Variants in AUTS2 observed in about 807,000 individuals in gnomAD.
AUTS2 encodes autism susceptibility gene 2 protein.
A neutral mutation model predicts 112.4 loss-of-function variants in AUTS2; 17 were observed. The ratio of observed to expected loss-of-function variants is 0.15; its 90% CI spans 0.10 to 0.23. AUTS2 has a LOEUF of 0.23. Ranked by LOEUF, AUTS2 falls within the 10% of genes least tolerant of loss-of-function variation. AUTS2 has a pLI of 1.00. For missense variants in AUTS2, 1,510 were observed against 1,701.6 expected, an observed-to-expected ratio of 0.89 and a Z score of 1.98; for synonymous variants, 751 against 702.7, an observed-to-expected ratio of 1.07 and a Z score of -1.09.
At chr7:70,373,520 T>C (rs1251908477) in intron 4 of AUTS2, among the ~76,000 whole-genome samples, 1 of 152,188 alleles carries the variant, frequency 6.6e-6, no homozygotes, top group Non-Finnish European at 1.5e-5. Context: ...GGTAGGCATT[T>C]TTCCCAAACT....
rs1808955253 is a variant in AUTS2 at position 70,694,506 on chromosome 7, CCTCCCT to C, written c.691-4055_691-4050del. 6.7e-6 allele frequency: 1 copy of C among 149,186 alleles called. No individual in the cohort carries two copies. Among genetic ancestry groups the C allele is most frequent in the Non-Finnish European group, 1.5e-5 (1 of 67,038 alleles). The allele number at this position is 149,186 out of a possible 1,614,324, so 9.2% of individuals were successfully genotyped here. A position where few individuals can be genotyped will look rare whatever the true frequency, so the allele number is the denominator to read the frequency against. On this transcript the variant is annotated intron_variant, in intron 5 of 18. Transcript: ENST00000342771. The surrounding 1 kb of genome is among the most constrained non-coding windows in gnomAD (Gnocchi z 4.1). ...AGCCGCCGCGCGCCCTCCTCCTCCTCCTCCCTCTCCCTCCTCCCTCCCTCCGCACAT... is the reference window on the plus strand; with the variant it reads ...AGCCGCCGCGCGCCCTCCTCCTCCTCCTCCCTCCTCCCTCCCTCCGCACAT...
At chr7:70,616,144 TC>T (rs759698364) in intron 5 of AUTS2, among the ~76,000 whole-genome samples, 1 of 152,262 alleles carries the variant, frequency 6.6e-6, no homozygotes, top group Non-Finnish European at 1.5e-5. Flanking sequence ...CTTCAGATTT[TC>T]CCTATTCTGT....
chr7:70,549,729 A>G (rs1286613370), intron 5 of AUTS2, among the ~76,000 whole-genome samples: 2 of 152,210 alleles, frequency 1.3e-5, no homozygotes, highest in Non-Finnish European at 2.9e-5. Flanking sequence ...GCATTGACTC[A>G]GGTTTCACAG....
At chr7:70,644,430 C>G (rs1585428309) in intron 5 of AUTS2, among the ~76,000 whole-genome samples, 2 of 152,134 alleles carry the variant, frequency 1.3e-5, no homozygotes, top group East Asian at 1.9e-4. Flanking sequence ...AGTCCCGACT[C>G]TATCACTTCC....
rs73706114 is a variant in AUTS2 at position 70,595,725 on chromosome 7, C to T, written c.691-102844C>T. 8.1e-3 allele frequency among the ~76,000 whole-genome samples: 1,229 copies of T among 152,302 alleles called. 17 individuals carry two copies. Among genetic ancestry groups the T allele is most frequent in the African/African-American group, 0.028 (1,159 of 41,574 alleles). ...TAGATACTTCATTCAGAGCATCTTC[C>T]GGCTGTAAATGGCTTGAGCCCATTG... is the stretch of plus-strand genomic sequence containing the variant. On this transcript the variant is annotated intron_variant, in intron 5 of 18. Transcript: ENST00000342771.
chr7:69,986,579 G>T (rs1413020358), intron 2 of AUTS2, among the ~76,000 whole-genome samples: 1 of 152,210 alleles, frequency 6.6e-6, no homozygotes, highest in African/African-American at 2.4e-5. Flanking sequence ...AAACTTTCCA[G>T]TATTCCTGAG....
intron 5 of AUTS2, among the ~76,000 whole-genome samples, chr7:70,654,922 C>G (rs1806689882): frequency 6.6e-6 from 1 of 152,190 alleles, no homozygotes; most frequent in Admixed American, 6.5e-5. Flanking sequence ...TAGCCTCTCT[C>G]CTTGACAGTC....
At chr7:70,335,579 T>C (rs927369070) in intron 4 of AUTS2, among the ~76,000 whole-genome samples, 3 of 152,246 alleles carry the variant, frequency 2.0e-5, no homozygotes, top group Non-Finnish European at 4.4e-5. Flanking sequence ...GAGCACTTGG[T>C]ACAAATGTTA....
chr7:70,326,935 T>TG (rs60609288), intron 4 of AUTS2, among the ~76,000 whole-genome samples: 1 of 150,210 alleles, frequency 6.7e-6, no homozygotes, highest in Non-Finnish European at 1.5e-5. Flanking sequence ...TTTTTTTTTT[T>TG]GTGACGGAAT....
At chr7:69,614,314 C>CTTTCTTTCTTTCTT (rs1468098088) in intron 1 of AUTS2, among the ~76,000 whole-genome samples, 94 of 83,418 alleles carry the variant, frequency 1.1e-3, no homozygotes, top group South Asian at 2.9e-3. Context: ...CACTCTCCGT[C>CTTTCTTTCTTTCTT]TCTTTCTTTC....
intron 1 of AUTS2, among the ~76,000 whole-genome samples, chr7:69,631,133 C>T (rs1055261986): frequency 1.3e-5 from 2 of 152,134 alleles, no homozygotes; most frequent in Admixed American, 6.5e-5. Context: ...AAAGGATTCA[C>T]ATACTTCCCA....
intron 1 of AUTS2, among the ~76,000 whole-genome samples, chr7:69,746,485 A>G (rs1318889529): frequency 2.6e-5 from 4 of 152,194 alleles, no homozygotes; most frequent in African/African-American, 9.6e-5. Context: ...GGTGCTAGTC[A>G]TCAGGAAAGA....
chr7:69,786,896 C>T (rs987441383), intron 1 of AUTS2, among the ~76,000 whole-genome samples: 1 of 152,160 alleles, frequency 6.6e-6, no homozygotes, highest in African/African-American at 2.4e-5. Flanking sequence ...TTCAAAAAAA[C>T]TTGTTTTAAG....
chr7:70,319,355 G>C (rs1201485141), intron 4 of AUTS2, among the ~76,000 whole-genome samples: 1 of 152,136 alleles, frequency 6.6e-6, no homozygotes, highest in Non-Finnish European at 1.5e-5. Context: ...CAGATCTGCA[G>C]GTCTATTTTA....
intron 4 of AUTS2, among the ~76,000 whole-genome samples, chr7:70,228,412 T>C (rs1416182533): frequency 6.6e-6 from 1 of 151,868 alleles, no homozygotes; most frequent in African/African-American, 2.4e-5. Flanking sequence ...TTTAAATTTA[T>C]TTATAGTTAA....
At chr7:70,749,305 G>A (rs1477830291) in intron 6 of AUTS2, among the ~76,000 whole-genome samples, 1 of 152,118 alleles carries the variant, frequency 6.6e-6, no homozygotes, top group African/African-American at 2.4e-5. Context: ...CAGCAGTGCT[G>A]TAGAACAGCT....
At chr7:70,308,357 T>C (rs577245098) in intron 4 of AUTS2, among the ~76,000 whole-genome samples, 1 of 152,348 alleles carries the variant, frequency 6.6e-6, no homozygotes, top group South Asian at 2.1e-4. Flanking sequence ...GGAAGGAACA[T>C]ACCCAGCTTC....
chr7:70,690,340 G>A (rs540782094), intron 5 of AUTS2, among the ~76,000 whole-genome samples: 4 of 152,290 alleles, frequency 2.6e-5, no homozygotes, highest in South Asian at 2.1e-4. Flanking sequence ...CATCCTTGCC[G>A]AGGCTAGTTG....
chr7:70,096,607 A>AAAAAAAAAAG (rs1388670721), intron 2 of AUTS2, among the ~76,000 whole-genome samples: 2 of 151,442 alleles, frequency 1.3e-5, no homozygotes, highest in South Asian at 2.1e-4. Context: ...CTTAAAAAAA[A>AAAAAAAAAAG]AAAAAAAAAG....
Sources: allele counts gnomAD v4.1 joint callset (sites outside exome capture counted in the v4.1 genomes callset), GRCh38; gene constraint gnomAD v4.1.1; non-coding constraint Gnocchi (gnomAD v3.1); transcripts MANE v1.5; gene names NCBI Gene and HGNC (gene_info 2026-07-23, HGNC 2026-07-21).